Variants in ZNF469 observed in about 807,000 individuals in gnomAD.
ZNF469 encodes zinc finger protein 469.
Under a neutral mutation model 1.0 loss-of-function variants are expected in ZNF469, and 1 was observed. That is an observed-to-expected ratio of 1.00 (90% CI 0.35 to 4.73). ZNF469 has a LOEUF of 4.73. Ranked by LOEUF, ZNF469 falls within the 30% of genes most tolerant of loss-of-function variation. The pLI, the probability that ZNF469 is intolerant of heterozygous loss-of-function variation, is 0.16. For missense variants in ZNF469, 6,100 were observed against 5,356.3 expected (o/e 1.14, Z -4.33); for synonymous variants, 2,703 against 2,363.4 (o/e 1.14, Z -4.17).
At chr16:88,323,080 C>A in the ZNF469 span, among the ~76,000 whole-genome samples, 1 of 152,306 alleles carries the variant, frequency 6.6e-6, no homozygotes, top group Non-Finnish European at 1.5e-5. Flanking sequence ...CCTCAGTTCC[C>A]CTCGTCTGTA....
chr16:88,123,767 T>C, the ZNF469 span, among the ~76,000 whole-genome samples: 3 of 152,226 alleles, frequency 2.0e-5, no homozygotes, highest in Admixed American at 2.0e-4. Flanking sequence ...CCTATACCTC[T>C]TTGCAATCTG....
the ZNF469 span, among the ~76,000 whole-genome samples, chr16:88,296,131 A>G: frequency 2.0e-5 from 3 of 152,210 alleles, no homozygotes; most frequent in East Asian, 5.8e-4. Flanking sequence ...TGCGACAGGA[A>G]TTTCCCCGAG....
At chr16:88,222,486 G>A in the ZNF469 span, among the ~76,000 whole-genome samples, 3 of 152,310 alleles carry the variant, frequency 2.0e-5, no homozygotes, top group South Asian at 2.1e-4. Context: ...GGCTGGGTGC[G>A]GTGGCTCACG....
the ZNF469 span, among the ~76,000 whole-genome samples, chr16:88,165,498 C>T: frequency 6.6e-6 from 1 of 152,180 alleles, no homozygotes; most frequent in Non-Finnish European, 1.5e-5. Context: ...CTGAGGCCTT[C>T]CTCAGCCTCT....
the ZNF469 span, among the ~76,000 whole-genome samples, chr16:88,232,359 C>G: frequency 6.6e-6 from 1 of 152,154 alleles, no homozygotes; most frequent in African/African-American, 2.4e-5. Flanking sequence ...GAGAGAGACA[C>G]CACTTTGGGA....
the ZNF469 span, among the ~76,000 whole-genome samples, chr16:88,276,731 ACACT>A: frequency 3.3e-5 from 5 of 152,326 alleles, no homozygotes; most frequent in Admixed American, 6.5e-5. Flanking sequence ...CACCACGCTG[ACACT>A]CAGTCAGGAC....
the ZNF469 span, among the ~76,000 whole-genome samples, chr16:88,243,528 G>T: frequency 3.3e-5 from 5 of 152,132 alleles, no homozygotes; most frequent in African/African-American, 1.2e-4. Flanking sequence ...ATTTCTCAAG[G>T]ACAAGCGAAC....
chr16:88,430,651 C>T lies in ZNF469; in HGVS notation c.3181C>T (p.Arg1061Cys), dbSNP rs1186330859. Residue 1061 changes from arginine (R) to cysteine (C), a missense_variant, in exon 3 of 3, where the codon CGC (arginine) becomes TGC (cysteine). By Grantham distance (180) the Arg-to-Cys change is radical. Coordinates refer to ENST00000565624, the MANE Select transcript of ZNF469 (RefSeq NM_001367624.2). ...ILKIVQQKNR[R>C]HRRLGRRAGR... ...GAAGATCGTGCAGCAGAAGAACAGG[C>T]GCCACCGGCGGCTGGGGCGGCGGGC... 3 of 1,494,024 alleles carry T rather than the reference C, an allele frequency of 2.0e-6. No homozygotes were observed. Among genetic ancestry groups the T allele is most frequent in the Admixed American group, 2.2e-5 (1 of 46,222 alleles). The allele number at this position is 1,494,024 out of a possible 1,614,324, so 92.5% of individuals were successfully genotyped here.
In ZNF469 at chr16:88,434,323, G is replaced by T. The variant is rs924807506; in HGVS notation, c.6853G>T (p.Ala2285Ser). The T allele has an allele frequency of 3.4e-5, 53 of 1,550,218 alleles. No homozygotes were observed. Among genetic ancestry groups the T allele is most frequent in the Non-Finnish European group, 4.2e-5 (48 of 1,146,976 alleles). The change falls in exon 3 of 3, where the codon GCT (alanine) becomes TCT (serine). Residue 2285 changes from alanine (A) to serine (S), a missense_variant. Physicochemically the swap from Ala to Ser is moderately conservative, Grantham distance 99 (BLOSUM62 1). Coordinates refer to ENST00000565624, the MANE Select transcript of ZNF469 (RefSeq NM_001367624.2). ...CGTCTCCCCCAGCGTGGCCGTCAGG[G>T]CTACTGGCCTGTCCAGCACTCCCAC... The part of the protein sequence containing the change: ...GAVSPSVAVR[A>S]TGLSSTPTGD...
At chr16:88,388,349 G>A (rs1031163402) in intron 1 of ZNF469, among the ~76,000 whole-genome samples, 1 of 152,256 alleles carries the variant, frequency 6.6e-6, no homozygotes. Flanking sequence ...CAGCATCCCA[G>A]CCAGCGGCCA....
At chr16:88,170,911 CA>C in the ZNF469 span, among the ~76,000 whole-genome samples, 16,944 of 152,142 alleles carry the variant, frequency 0.11, 1,230 homozygotes, top group African/African-American at 0.19. This position sits in a 1 kb window ranked among gnomAD's most constrained non-coding sequence, Gnocchi z 4.2. Context: ...CACCCAGCAC[CA>C]GGGGTAGCGG....
the ZNF469 span, among the ~76,000 whole-genome samples, chr16:88,260,610 GTTC>G: frequency 6.6e-6 from 1 of 152,168 alleles, no homozygotes; most frequent in East Asian, 1.9e-4. The surrounding 1 kb of genome is among the most constrained non-coding windows in gnomAD (Gnocchi z 4.1). Flanking sequence ...GATCTTTGAC[GTTC>G]TTCTCAATCA....
chr16:88,205,674 C>T, the ZNF469 span, among the ~76,000 whole-genome samples: 10 of 152,174 alleles, frequency 6.6e-5, no homozygotes, highest in East Asian at 3.9e-4. This position sits in a 1 kb window ranked among gnomAD's most constrained non-coding sequence, Gnocchi z 4.2. Flanking sequence ...GATGCGGAAC[C>T]GGCTCCCAAA....
the ZNF469 span, among the ~76,000 whole-genome samples, chr16:88,341,470 T>G: frequency 6.6e-6 from 1 of 152,206 alleles, no homozygotes; most frequent in South Asian, 2.1e-4. Flanking sequence ...TGGGCCACCC[T>G]CCAGGTTTCC....
chr16:88,170,667 C>A, the ZNF469 span, among the ~76,000 whole-genome samples: 1 of 152,188 alleles, frequency 6.6e-6, no homozygotes, highest in Non-Finnish European at 1.5e-5. This position sits in a 1 kb window ranked among gnomAD's most constrained non-coding sequence, Gnocchi z 4.2. Flanking sequence ...CCACGCCCTG[C>A]TTGTCTGCTC....
the ZNF469 span, among the ~76,000 whole-genome samples, chr16:88,147,314 C>G: frequency 2.6e-5 from 4 of 152,112 alleles, no homozygotes; most frequent in African/African-American, 4.8e-5. Flanking sequence ...CACCGTAGCC[C>G]AGGGAGACTG....
chr16:88,427,068 C>T, intron 2 of ZNF469, among the ~76,000 whole-genome samples: 1 of 152,124 alleles, frequency 6.6e-6, no homozygotes, highest in African/African-American at 2.4e-5. Flanking sequence ...AGCTCCCCCT[C>T]CCTCCCCCTC....
the ZNF469 span, among the ~76,000 whole-genome samples, chr16:88,307,393 G>C: frequency 6.6e-6 from 1 of 152,252 alleles, no homozygotes; most frequent in African/African-American, 2.4e-5. Flanking sequence ...TCACTGTACA[G>C]TTAACATTCC....
At chr16:88,200,335 G>C in the ZNF469 span, among the ~76,000 whole-genome samples, 15 of 152,322 alleles carry the variant, frequency 9.8e-5, no homozygotes, top group Admixed American at 2.0e-4. Flanking sequence ...GCACTGCCTG[G>C]GTTGCTTGGA....
Sources: gnomAD v4.1 joint callset for allele counts (sites outside exome capture counted in the v4.1 genomes callset) on GRCh38, gnomAD v4.1.1 for gene constraint, Gnocchi (gnomAD v3.1) non-coding constraint, MANE v1.5 for transcripts, NCBI Gene and HGNC (gene_info 2026-07-23, HGNC 2026-07-21) for gene names.